The following NFATC3 variants were observed in gnomAD, a reference collection of about 807,000 sequenced individuals.
NFATC3 encodes the protein nuclear factor of activated T-cells, cytoplasmic 3.
In NFATC3, 46 loss-of-function variants were observed where a neutral mutation model predicts 98.6. The observed-to-expected ratio is 0.47, with a 90% CI of 0.37 to 0.60. The LOEUF (loss-of-function observed/expected upper bound fraction) is 0.60, where lower values mean the gene tolerates loss of function less well. NFATC3 is among the 20% of genes least tolerant of loss of function. The probability of loss-of-function intolerance (pLI) is 0.00; values close to 1 mark genes in which losing one functional copy is unlikely to be tolerated. For synonymous variants in NFATC3, 512 were observed against 472.2 expected, an observed-to-expected ratio of 1.08 and a Z score of -1.09; for missense variants, 1,256 against 1,295.5, an observed-to-expected ratio of 0.97 and a Z score of 0.47.
intron 9 of NFATC3, among the ~76,000 whole-genome samples, chr16:68,195,818 A>G (rs1270634400): frequency 6.6e-6 from 1 of 152,174 alleles, no homozygotes; most frequent in Admixed American, 6.5e-5. Flanking sequence ...AAAAAATAAA[A>G]TAAAATAAAT....
At chr16:68,135,262 T>A (rs1432439791) in intron 3 of NFATC3, among the ~76,000 whole-genome samples, 1 of 151,836 alleles carries the variant, frequency 6.6e-6, no homozygotes, top group African/African-American at 2.4e-5. Context: ...ATTGAGACCA[T>A]CTTGGCTAAC....
intron 1 of NFATC3, among the ~76,000 whole-genome samples, chr16:68,120,349 G>T (rs2036505632): frequency 6.6e-6 from 1 of 151,402 alleles, no homozygotes; most frequent in Admixed American, 6.6e-5. Context: ...AGGCCAAGGA[G>T]GGTAGATTGC....
intron 9 of NFATC3, chr16:68,209,411 G>A (rs1460605560): frequency 1.2e-5 from 2 of 162,484 alleles, no homozygotes; most frequent in Non-Finnish European, 2.7e-5. Flanking sequence ...GTTGAGTGGA[G>A]GCAGAGGCTT....
chr16:68,167,810 C>CT lies in NFATC3; in HGVS notation c.1774+834dup, dbSNP rs35302776. Among the ~76,000 whole-genome samples the CT allele has an allele frequency of 3.1e-3, 74 of 23,918 alleles. 33 individuals are homozygous for CT. Among genetic ancestry groups the CT allele is most frequent in the Non-Finnish European group, 6.3e-3 (59 of 9,306 alleles). The allele number at this position is 23,918 out of a possible 152,430, so 15.7% of individuals were successfully genotyped here. On this transcript the variant is annotated intron_variant, in intron 5 of 9. Transcript: ENST00000346183. ...TTTATATCTGTTAACCGTATGTGTTCTTTTTTTTTTTTTTTTTTTTTTTTT... is the reference window on the plus strand; with the variant it reads ...TTTATATCTGTTAACCGTATGTGTTCTTTTTTTTTTTTTTTTTTTTTTTTTT...
At chr16:68,190,696 C>A in intron 8 of NFATC3, 72 bp from the exon 9 acceptor site, 1 of 1,467,632 alleles carries the variant, frequency 6.8e-7, no homozygotes, top group South Asian at 1.4e-5. Flanking sequence ...GTTGTGTAAC[C>A]TAGCATGAAG....
intron 5 of NFATC3, 43 bp from the exon 6 acceptor site, chr16:68,174,330 TA>T: frequency 7.4e-7 from 1 of 1,346,462 alleles, no homozygotes. Flanking sequence ...GATTTTTAAC[TA>T]ATATTTTGTT....
At chr16:68,175,327 T>A (rs1217873567) in intron 6 of NFATC3, among the ~76,000 whole-genome samples, 1 of 152,216 alleles carries the variant, frequency 6.6e-6, no homozygotes, top group Non-Finnish European at 1.5e-5. Context: ...GATGGAAATC[T>A]TCTGGAATTA....
chr16:68,132,352 G>A (rs1205779528), intron 3 of NFATC3, among the ~76,000 whole-genome samples: 1 of 152,194 alleles, frequency 6.6e-6, no homozygotes, highest in Admixed American at 6.5e-5. Flanking sequence ...TAGCAGAGCT[G>A]CTAACCCACA....
intron 1 of NFATC3, among the ~76,000 whole-genome samples, chr16:68,091,795 G>T (rs2034725937): frequency 6.6e-6 from 1 of 152,160 alleles, no homozygotes; most frequent in East Asian, 1.9e-4. Context: ...GTGGGTCAGG[G>T]GAGTAGACAC....
At chr16:68,114,558 A>G (rs550072742) in intron 1 of NFATC3, among the ~76,000 whole-genome samples, 66 of 151,204 alleles carry the variant, frequency 4.4e-4, no homozygotes, top group African/African-American at 1.6e-3. Context: ...GCAGCACATC[A>G]AGGGCCAAGG....
chr16:68,192,928 T>C (rs2040506987), intron 9 of NFATC3, among the ~76,000 whole-genome samples: 1 of 152,204 alleles, frequency 6.6e-6, no homozygotes. Context: ...GCAAGTCTTC[T>C]GTGAGTAGGT....
chr16:68,139,068 A>G (rs1369244394), intron 3 of NFATC3, among the ~76,000 whole-genome samples: 2 of 152,220 alleles, frequency 1.3e-5, no homozygotes, highest in East Asian at 3.8e-4. Flanking sequence ...GATGAACAAG[A>G]GAGACAAAAC....
intron 3 of NFATC3, among the ~76,000 whole-genome samples, chr16:68,131,425 G>A (rs965123976): frequency 3.3e-5 from 5 of 151,932 alleles, no homozygotes; most frequent in African/African-American, 1.2e-4. Flanking sequence ...TTACAGGCAC[G>A]CACTACCATG....
intron 3 of NFATC3, among the ~76,000 whole-genome samples, chr16:68,145,831 C>A (rs941884859): frequency 6.6e-6 from 1 of 152,060 alleles, no homozygotes; most frequent in Admixed American, 6.6e-5. Flanking sequence ...CAAATGAATG[C>A]ATGTAGAACA....
intron 1 of NFATC3, among the ~76,000 whole-genome samples, chr16:68,119,453 C>G (rs768148101): frequency 7.2e-5 from 11 of 152,104 alleles, no homozygotes; most frequent in Non-Finnish European, 1.5e-4. Flanking sequence ...TAAGGCCTTA[C>G]TTGACTAGCC....
intron 3 of NFATC3, chr16:68,138,889 C>T: frequency 2.7e-6 from 2 of 740,220 alleles, no homozygotes; most frequent in South Asian, 2.0e-5. Context: ...TGGTTGAATC[C>T]TGGATTTTAC....
intron 1 of NFATC3, among the ~76,000 whole-genome samples, chr16:68,090,339 A>AGG (rs1567491420): frequency 9.1e-5 from 9 of 98,828 alleles, no homozygotes; most frequent in Non-Finnish European, 1.6e-4. Context: ...ACACACACAC[A>AGG]CGCACACACA....
chr16:68,119,795 G>A (rs1231340960), intron 1 of NFATC3, among the ~76,000 whole-genome samples: 1 of 152,110 alleles, frequency 6.6e-6, no homozygotes, highest in Non-Finnish European at 1.5e-5. Context: ...AGCTCCATGA[G>A]GAGGGGATTT....
At chr16:68,089,415 C>G (rs896187350) in intron 1 of NFATC3, 2 of 420,882 alleles carry the variant, frequency 4.8e-6, no homozygotes, top group Admixed American at 6.4e-5. Flanking sequence ...AATTTAAGAC[C>G]CTAGAGTCGT....
Sources: allele counts gnomAD v4.1 joint callset (sites outside exome capture counted in the v4.1 genomes callset), GRCh38; gene constraint gnomAD v4.1.1; transcripts MANE v1.5; gene names NCBI Gene and HGNC (gene_info 2026-07-23, HGNC 2026-07-21).